Variants in CNTN5 observed in about 807,000 individuals in gnomAD.
CNTN5 encodes contactin-5.
A neutral mutation model predicts 129.1 loss-of-function variants in CNTN5; 77 were observed. The ratio of observed to expected loss-of-function variants is 0.60; its 90% CI spans 0.50 to 0.72. The LOEUF is 0.72. Ranked by LOEUF, CNTN5 falls within the 30% of genes least tolerant of loss-of-function variation. CNTN5 has a pLI of 0.00. For synonymous variants in CNTN5, 509 were observed against 465.6 expected, an observed-to-expected ratio of 1.09 and a Z score of -1.20; for missense variants, 1,478 against 1,328.8, an observed-to-expected ratio of 1.11 and a Z score of -1.75.
At chr11:99,478,423 T>C (rs1945464247) in intron 2 of CNTN5, among the ~76,000 whole-genome samples, 1 of 152,068 alleles carries the variant, frequency 6.6e-6, no homozygotes, top group Non-Finnish European at 1.5e-5. Context: ...TGGGTTAAAA[T>C]CTCTTTTAAC....
At chr11:99,930,590 AAC>A (rs2136073418) in intron 7 of CNTN5, among the ~76,000 whole-genome samples, 2 of 152,244 alleles carry the variant, frequency 1.3e-5, no homozygotes, top group East Asian at 3.9e-4. Flanking sequence ...TACCTACTCT[AAC>A]AACATGGTCT....
chr11:100,089,271 C>T (rs1358673094), intron 13 of CNTN5, among the ~76,000 whole-genome samples: 1 of 151,950 alleles, frequency 6.6e-6, no homozygotes, highest in East Asian at 1.9e-4. Context: ...AATTTCCTCC[C>T]ATTCTGTACA....
intron 10 of CNTN5, among the ~76,000 whole-genome samples, chr11:100,062,262 C>T (rs1943515640): frequency 6.6e-6 from 1 of 152,124 alleles, no homozygotes; most frequent in Non-Finnish European, 1.5e-5. Flanking sequence ...TTGGCTGTTT[C>T]CTCCAGGAAA....
intron 2 of CNTN5, among the ~76,000 whole-genome samples, chr11:99,508,383 C>G (rs1435128600): frequency 6.6e-6 from 1 of 151,858 alleles, no homozygotes; most frequent in Non-Finnish European, 1.5e-5. Context: ...TACAGTCAGC[C>G]CTTCGTATGT....
chr11:100,026,392 T>G (rs1277109705), intron 9 of CNTN5, among the ~76,000 whole-genome samples: 1 of 152,170 alleles, frequency 6.6e-6, no homozygotes, highest in Non-Finnish European at 1.5e-5. Flanking sequence ...ACTGTGAGAA[T>G]GGACTAATAC....
At chr11:99,394,338 A>G (rs1216755157) in intron 2 of CNTN5, among the ~76,000 whole-genome samples, 2 of 151,654 alleles carry the variant, frequency 1.3e-5, no homozygotes, top group Admixed American at 6.6e-5. Flanking sequence ...GATTTAATGT[A>G]TCTTTGTAAC....
At chr11:99,785,164 T>G (rs576597492) in intron 3 of CNTN5, among the ~76,000 whole-genome samples, 1 of 152,236 alleles carries the variant, frequency 6.6e-6, no homozygotes, top group East Asian at 1.9e-4. Flanking sequence ...TGGTGATGAT[T>G]AGCTTTGTTT....
chr11:99,466,891 A>G (rs966384916), intron 2 of CNTN5, among the ~76,000 whole-genome samples: 5 of 152,124 alleles, frequency 3.3e-5, no homozygotes, highest in African/African-American at 9.7e-5. Flanking sequence ...TTGCCAGCAC[A>G]TTCTATTGGC....
intron 17 of CNTN5, among the ~76,000 whole-genome samples, chr11:100,261,567 C>G (rs140567413): frequency 0.027 from 4,105 of 152,206 alleles, 197 homozygotes; most frequent in African/African-American, 0.094. Flanking sequence ...GCTACAGTAA[C>G]CAAAACAGCA....
At chr11:100,155,003 G>A (rs893915527) in intron 13 of CNTN5, among the ~76,000 whole-genome samples, 1 of 152,060 alleles carries the variant, frequency 6.6e-6, no homozygotes, top group African/African-American at 2.4e-5. Context: ...TTCTTTGGCT[G>A]TGCAGAAACT....
At chr11:99,416,152 A>T (rs1942645690) in intron 2 of CNTN5, among the ~76,000 whole-genome samples, 1 of 152,200 alleles carries the variant, frequency 6.6e-6, no homozygotes, top group African/African-American at 2.4e-5. Flanking sequence ...TATATAATTC[A>T]GGGTTTTATT....
chr11:100,312,267 G>T (rs114391146), intron 21 of CNTN5, among the ~76,000 whole-genome samples: 2,283 of 152,036 alleles, frequency 0.015, 61 homozygotes, highest in African/African-American at 0.052. Flanking sequence ...GACTATTTTT[G>T]ATTTATACTG....
intron 15 of CNTN5, among the ~76,000 whole-genome samples, chr11:100,200,411 C>T (rs548529248): frequency 6.6e-6 from 1 of 152,054 alleles, no homozygotes; most frequent in African/African-American, 2.4e-5. Context: ...CCAAAACAAA[C>T]TTCCTATATT....
chr11:100,135,828 A>T (rs1946505586), intron 13 of CNTN5, among the ~76,000 whole-genome samples: 1 of 151,750 alleles, frequency 6.6e-6, no homozygotes, highest in South Asian at 2.1e-4. Context: ...CGGGTTTATG[A>T]TCTCTTGTTT....
At chr11:99,586,511 G>T (rs187339125) in intron 3 of CNTN5, among the ~76,000 whole-genome samples, 2 of 152,044 alleles carry the variant, frequency 1.3e-5, no homozygotes, top group Non-Finnish European at 2.9e-5. Context: ...TGAAATGCCC[G>T]CAGTCTTTGC....
intron 8 of CNTN5, among the ~76,000 whole-genome samples, chr11:99,974,014 C>G (rs535685901): frequency 6.6e-6 from 1 of 152,268 alleles, no homozygotes; most frequent in Non-Finnish European, 1.5e-5. Flanking sequence ...TTTTAAAACT[C>G]AGTGATTCAT....
intron 23 of CNTN5, among the ~76,000 whole-genome samples, chr11:100,347,989 T>C (rs911709090): frequency 1.3e-5 from 2 of 152,056 alleles, no homozygotes; most frequent in African/African-American, 2.4e-5. Flanking sequence ...CCTTTGAGAA[T>C]AGCAATACCA....
Position 99,655,374 on chromosome 11 carries a change from C to T in CNTN5, c.55+99105C>T, listed in dbSNP as rs147922617. 2.2e-3 allele frequency among the ~76,000 whole-genome samples: 342 copies of T among 152,162 alleles called. 1 individual carries two copies. The highest frequency in any genetic ancestry group is 7.5e-3 in the African/African-American group (311 of 41,528). On this transcript the variant is annotated intron_variant, in intron 3 of 24. Coordinates refer to ENST00000524871, the MANE Select transcript of CNTN5 (RefSeq NM_014361.4). The stretch of plus-strand genomic sequence containing the variant: ...ACTAAGTTATGATTATATTTCTGTC[C>T]AGAACTTGGCAAACGATTCTTGTCA...
At chr11:99,074,402 T>A (rs1591147799) in intron 1 of CNTN5, among the ~76,000 whole-genome samples, 1 of 152,320 alleles carries the variant, frequency 6.6e-6, no homozygotes, top group East Asian at 1.9e-4. Flanking sequence ...TAGTCAATTT[T>A]GGCTTTTGTT....
Sources: allele counts gnomAD v4.1 joint callset (sites outside exome capture counted in the v4.1 genomes callset), GRCh38; gene constraint gnomAD v4.1.1; transcripts MANE v1.5; gene names NCBI Gene and HGNC (gene_info 2026-07-23, HGNC 2026-07-21).